The following NSMF variants were observed in gnomAD, a reference collection of about 807,000 sequenced individuals.
The protein encoded by NSMF is NMDA receptor synaptonuclear signaling and neuronal migration factor, also known as nasal embryonic LHRH factor.
A neutral mutation model predicts 71.0 loss-of-function variants in NSMF; 31 were observed. That is an observed-to-expected ratio of 0.44 (90% confidence interval 0.33 to 0.59). The LOEUF is 0.59. Ranked by LOEUF, NSMF falls within the 20% of genes least tolerant of loss-of-function variation. The pLI is 0.04. For missense variants in NSMF, 673 were observed against 740.5 expected, an observed-to-expected ratio of 0.91 and a Z score of 1.06; for synonymous variants, 345 against 287.1, an observed-to-expected ratio of 1.20 and a Z score of -2.04.
Position 137,459,197 on chromosome 9 carries a change from GGCTCGGGCTCGGGGTCTC to G in NSMF, c.-113_-96del. On this transcript the variant is annotated 5_prime_UTR_variant, in exon 1 of 16. Coordinates refer to ENST00000371475, the MANE Select transcript of NSMF (RefSeq NM_001130969.3). ...CGCGCCGCACCGGGGGTCGCGCTCG[GGCTCGGGCTCGGGGTCTC>G]GCTCGGGCTCCGGCTCGGGCTTGGG... 1 of 913,634 alleles carries G rather than the reference GGCTCGGGCTCGGGGTCTC, an allele frequency of 1.1e-6. No homozygotes were observed. Among genetic ancestry groups the G allele is most frequent in the Non-Finnish European group, 1.4e-6 (1 of 739,534 alleles). The allele number at this position is 913,634 out of a possible 1,614,324, so 56.6% of individuals were successfully genotyped here.
In NSMF at chr9:137,452,754, G is replaced by A. The variant is rs201794386; in HGVS notation, c.1113C>T (p.Ser371=). The part of the protein sequence containing the change: ...IPTIIRRDDP[S]IIPILYDHEH... ...GACTCACGTAGAGGATGGGGATGAT[G>A]GAGGGGTCATCCCGGCGGATGATAG... The change falls in exon 10 of 16, where the codon TCC becomes TCT. Residue 371 remains serine, a synonymous_variant. Coordinates refer to ENST00000371475, the MANE Select transcript of NSMF (RefSeq NM_001130969.3). The A allele has an allele frequency of 1.9e-5, 30 of 1,607,094 alleles. No homozygotes were observed. The highest frequency in any genetic ancestry group is 2.5e-6 in the Non-Finnish European group (3 of 1,177,830).
chr9:137,449,716 G>T (rs372737983), intron 14 of NSMF, 42 bp from the exon 15 acceptor site: 1 of 1,565,758 alleles, frequency 6.4e-7, no homozygotes, highest in South Asian at 1.1e-5. Context: ...CAGAGAGATG[G>T]GGAAGGAGGA....
In NSMF at chr9:137,453,824, C is replaced by T. The variant is rs1830676377; in HGVS notation, c.833-4G>A. 1.9e-6 allele frequency: 3 copies of T among 1,585,018 alleles called. No individual in the cohort carries two copies. Among genetic ancestry groups the T allele is most frequent in the Non-Finnish European group, 2.6e-6 (3 of 1,172,864 alleles). ...CGCTCGCGCCGCTCAGCGAACGCTG[C>T]AGAGAGCAAAACCCGCATTAGCGAG... On this transcript the variant is annotated splice_region_variant and splice_polypyrimidine_tract_variant and intron_variant, in intron 7 of 15. Transcript: ENST00000371475. This position sits in a 1 kb window ranked among gnomAD's most constrained non-coding sequence, Gnocchi z 4.5.
Position 137,453,497 on chromosome 9 carries a change from C to A in NSMF, c.922+234G>T. 1 of 597,298 alleles carries A rather than the reference C, an allele frequency of 1.7e-6. No homozygotes were observed. The highest frequency in any genetic ancestry group is 3.0e-6 in the Non-Finnish European group (1 of 337,894). The allele number at this position is 597,298 out of a possible 1,614,324, so 37.0% of individuals were successfully genotyped here. Reference sequence around the variant, plus strand: ...GCCCCCTGCCCCTGAGGGCCTCTTGCGAGTGGCGGTGGGCACGGCCCTACA... The same window carrying A: ...GCCCCCTGCCCCTGAGGGCCTCTTGAGAGTGGCGGTGGGCACGGCCCTACA... On this transcript the variant is annotated intron_variant, in intron 8 of 15. Coordinates refer to ENST00000371475, the MANE Select transcript of NSMF (RefSeq NM_001130969.3). This position sits in a 1 kb window ranked among gnomAD's most constrained non-coding sequence, Gnocchi z 4.5.
chr9:137,454,492 A>G (rs1253781693), intron 6 of NSMF, 49 bp from the exon 7 acceptor site: 26 of 1,549,228 alleles, frequency 1.7e-5, no homozygotes, highest in Non-Finnish European at 1.9e-5. Flanking sequence ...GGGTGACGGC[A>G]GCCCCTGCCC....
chr9:137,457,882 G>T lies in NSMF; in HGVS notation c.153C>A (p.Ala51=). The change falls in exon 3 of 16, where the codon GCC becomes GCA. Residue 51 remains alanine (A), a synonymous_variant. Coordinates refer to ENST00000371475, the MANE Select transcript of NSMF (RefSeq NM_001130969.3). The part of the protein sequence containing the change: ...RNGADHLLAD[A]YSGHDGSPEM... ...CGGGGGACCCGTCGTGGCCAGAGTA[G>T]GCATCAGCCAGCAGGTGATCTAGGA... The T allele has an allele frequency of 6.5e-7, 1 of 1,546,232 alleles. No individual in the cohort carries two copies. The highest frequency in any genetic ancestry group is 2.4e-5 in the East Asian group (1 of 41,414).
At position 137,459,297 on chromosome 9, in the gene NSMF, G is replaced by A; in HGVS notation, c.-195C>T. On this transcript the variant is annotated 5_prime_UTR_variant, in exon 1 of 16. Coordinates refer to ENST00000371475, the MANE Select transcript of NSMF (RefSeq NM_001130969.3). ...CCCGCATGGCCGCACCCGGCGCTCC[G>A]CGCGTGCCGCCGCTCCCGGGAGAGC... The A allele has an allele frequency of 1.0e-5, 2 of 200,860 alleles. No individual in the cohort carries two copies. Among genetic ancestry groups the A allele is most frequent in the Non-Finnish European group, 9.0e-6 (1 of 110,878 alleles). 12.4% of individuals were successfully genotyped at this position (200,860 alleles called of 1,614,324 possible).
chr9:137,458,454 T>A, intron 2 of NSMF, 34 bp downstream of exon 2: 1 of 1,545,002 alleles, frequency 6.5e-7, no homozygotes, highest in South Asian at 1.2e-5. Flanking sequence ...CTGGGGGGTC[T>A]GGGCGGCCCT....
Position 137,453,177 on chromosome 9 carries a change from C to T in NSMF, c.926G>A (p.Ser309Asn). ...ADTSHDSRDS[S>N]DLQSSHCTLD... The stretch of plus-strand genomic sequence containing the variant: ...CGTGCAGTGGGAGCTCTGCAGGTCA[C>T]TGCCTGGGAAGCAAGAGGGTCACCA... Residue 309 changes from serine (S) to asparagine (N), a missense_variant, in exon 9 of 16, where the codon AGT (serine) becomes AAT (asparagine). Coordinates refer to ENST00000371475, the MANE Select transcript of NSMF (RefSeq NM_001130969.3). The surrounding 1 kb of genome is among the most constrained non-coding windows in gnomAD (Gnocchi z 4.5). 6.2e-7 allele frequency: 1 copy of T among 1,612,584 alleles called. No individual in the cohort carries two copies. The highest frequency in any genetic ancestry group is 8.5e-7 in the Non-Finnish European group (1 of 1,179,882).
rs1375571109 is a variant in NSMF, at chr9:137,453,369, T to A, written c.923-189A>T. The A allele has an allele frequency of 3.6e-5, 27 of 759,724 alleles. No individual in the cohort carries two copies. In the East Asian group the frequency reaches 6.8e-4, roughly 19 times the overall value. 47.1% of individuals were successfully genotyped at this position (759,724 alleles called of 1,614,324 possible). A position where few individuals can be genotyped will look rare whatever the true frequency, so the allele number is the denominator to read the frequency against. Reference sequence around the variant, plus strand: ...GACACCACTGGGCAGCGGCCTGATGTGGGAAGGGAGACCCTGGTGCGAGGC... The same window carrying A: ...GACACCACTGGGCAGCGGCCTGATGAGGGAAGGGAGACCCTGGTGCGAGGC... On this transcript the variant is annotated intron_variant, in intron 8 of 15. Transcript: ENST00000371475. The surrounding 1 kb of genome is among the most constrained non-coding windows in gnomAD (Gnocchi z 4.5).
Position 137,457,459 on chromosome 9 carries a change from G to C in NSMF, c.576C>G (p.Thr192=), listed in dbSNP as rs1830894408. The C allele has an allele frequency of 6.2e-7, 1 of 1,612,872 alleles. No individual in the cohort carries two copies. Among genetic ancestry groups the C allele is most frequent in the Non-Finnish European group, 8.5e-7 (1 of 1,179,988 alleles). ...FGLDQPPLPE[T]SGRRKKLERM... is the part of the protein sequence containing the mutation. The stretch of plus-strand genomic sequence containing the variant: ...TCTCCAGCTTCTTGCGGCGACCGGA[G>C]GTCTCAGGCAGAGGTGGCTGGTCCA... Residue 192 remains threonine, a synonymous_variant, in exon 3 of 16, where the codon ACC becomes ACG. Coordinates refer to ENST00000371475, the MANE Select transcript of NSMF (RefSeq NM_001130969.3).
At chr9:137,456,551 G>A in intron 3 of NSMF, 65 bp from the exon 4 acceptor site, 1 of 1,103,740 alleles carries the variant, frequency 9.1e-7, no homozygotes, top group South Asian at 1.2e-5. Context: ...CTCCCTCCCT[G>A]TTGGGAAGCA....
At position 137,453,839 on chromosome 9, in the gene NSMF, G is replaced by C; in HGVS notation, c.833-19C>G. ...GCGAACGCTGCAGAGAGCAAAACCC[G>C]CATTAGCGAGCGGGTGGGGCGGGGC... On this transcript the variant is annotated intron_variant, in intron 7 of 15. Coordinates refer to ENST00000371475, the MANE Select transcript of NSMF (RefSeq NM_001130969.3). The surrounding 1 kb of genome is among the most constrained non-coding windows in gnomAD (Gnocchi z 4.5). 1 of 1,566,210 alleles carries C rather than the reference G, an allele frequency of 6.4e-7. No homozygotes were observed. Among genetic ancestry groups the C allele is most frequent in the Admixed American group, 1.8e-5 (1 of 54,720 alleles).
At position 137,459,225 on chromosome 9, in the gene NSMF, C is replaced by CCGGCTCGGGCTT. The variant is rs1831049984; in HGVS notation, c.-135_-124dup. 1 of 691,374 alleles carries CCGGCTCGGGCTT rather than the reference C, an allele frequency of 1.4e-6. No homozygotes were observed. Among genetic ancestry groups the CCGGCTCGGGCTT allele is most frequent in the African/African-American group, 1.9e-5 (1 of 51,738 alleles). 42.8% of individuals were successfully genotyped at this position (691,374 alleles called of 1,614,324 possible). The stretch of plus-strand genomic sequence containing the variant: ...TCGGGCTCGGGGTCTCGCTCGGGCT[C>CCGGCTCGGGCTT]CGGCTCGGGCTTGGGCTCGGGGTCG... On this transcript the variant is annotated 5_prime_UTR_variant, in exon 1 of 16. Coordinates refer to ENST00000371475, the MANE Select transcript of NSMF (RefSeq NM_001130969.3).
chr9:137,452,927 AG>A, intron 9 of NSMF, 108 bp from the exon 10 acceptor site: 1 of 1,553,546 alleles, frequency 6.4e-7, no homozygotes, highest in Non-Finnish European at 8.8e-7. Context: ...CCAAGGGTAT[AG>A]CCCTGTGAGA....
In NSMF at chr9:137,457,728, T is replaced by C; in HGVS notation, c.307A>G (p.Thr103Ala). Residue 103 changes from threonine (T) to alanine (A), a missense_variant, in exon 3 of 16, where the codon ACC becomes GCC. Thr to Ala is a moderately conservative substitution (Grantham distance 58). Coordinates refer to ENST00000371475, the MANE Select transcript of NSMF (RefSeq NM_001130969.3). The part of the protein sequence containing the change: ...AGEGPQPRVY[T>A]ISGEPALLPS... ...AGCAGGGCAGGCTCCCCAGAGATGG[T>C]GTACACTCGAGGCTGAGGGCCCTCG... The C allele has an allele frequency of 1.3e-6, 2 of 1,556,482 alleles. No individual in the cohort carries two copies. The highest frequency in any genetic ancestry group is 1.7e-6 in the Non-Finnish European group (2 of 1,150,268).
chr9:137,454,021 C>T (rs892465960), intron 7 of NSMF, among the ~76,000 whole-genome samples: 59 of 150,256 alleles, frequency 3.9e-4, no homozygotes, highest in African/African-American at 1.3e-3. Flanking sequence ...GGGCCAGAGG[C>T]GGAGTCTGGG....
intron 6 of NSMF, 106 bp downstream of exon 6, chr9:137,455,133 T>C: frequency 2.4e-6 from 3 of 1,250,140 alleles, no homozygotes; most frequent in Non-Finnish European, 3.5e-6. Flanking sequence ...AGGCCAGTGG[T>C]CGCCACCACC....
chr9:137,454,764 C>A, intron 6 of NSMF: 1 of 1,426,468 alleles, frequency 7.0e-7, no homozygotes, highest in South Asian at 1.3e-5. Context: ...CCTCCACGCC[C>A]ATGTGGCAGA....
Sources: allele counts gnomAD v4.1 joint callset (sites outside exome capture counted in the v4.1 genomes callset), GRCh38; gene constraint gnomAD v4.1.1; non-coding constraint Gnocchi (gnomAD v3.1); transcripts MANE v1.5; gene names NCBI Gene and HGNC (gene_info 2026-07-23, HGNC 2026-07-21).